Variants in TMEM181 observed in about 807,000 individuals in gnomAD.
TMEM181 encodes transmembrane protein 181, also known as G protein-coupled receptor 178.
A neutral mutation model predicts 71.9 loss-of-function variants in TMEM181; 39 were observed. The ratio of observed to expected loss-of-function variants is 0.54; its 90% CI spans 0.42 to 0.71. The LOEUF (loss-of-function observed/expected upper bound fraction) is 0.71, where lower values mean the gene tolerates loss of function less well. TMEM181 is among the 30% of genes least tolerant of loss of function. TMEM181 has a pLI of 0.00. For missense variants in TMEM181, 595 were observed against 583.0 expected, an observed-to-expected ratio of 1.02 and a Z score of -0.21; for synonymous variants, 245 against 228.8, an observed-to-expected ratio of 1.07 and a Z score of -0.64.
intron 1 of TMEM181, among the ~76,000 whole-genome samples, chr6:158,550,299 C>CAG (rs1781677137): frequency 6.6e-6 from 1 of 151,768 alleles, no homozygotes; most frequent in African/African-American, 2.4e-5. Flanking sequence ...CCCGCCATGG[C>CAG]CTCCCAAAGT....
chr6:158,543,909 A>T (rs1264820550), intron 1 of TMEM181, among the ~76,000 whole-genome samples: 1 of 152,200 alleles, frequency 6.6e-6, no homozygotes, highest in Non-Finnish European at 1.5e-5. Context: ...CTCTCTGCCA[A>T]TATTTTCTAA....
chr6:158,630,955 G>A (rs536368975), intron 15 of TMEM181, among the ~76,000 whole-genome samples: 4 of 152,290 alleles, frequency 2.6e-5, no homozygotes, highest in South Asian at 4.1e-4. Context: ...GCAGCAGCTC[G>A]CTGCACGTCC....
At chr6:158,612,079 T>G (rs892736418) in intron 10 of TMEM181, among the ~76,000 whole-genome samples, 1 of 152,122 alleles carries the variant, frequency 6.6e-6, no homozygotes, top group Non-Finnish European at 1.5e-5. Flanking sequence ...GGCCCATTTT[T>G]GGGGGCCCAT....
At chr6:158,611,525 A>T (rs1203683091) in intron 10 of TMEM181, 2 of 480,396 alleles carry the variant, frequency 4.2e-6, no homozygotes, top group Non-Finnish European at 8.4e-6. Flanking sequence ...TCATGGAGTT[A>T]CGAGAACTAT....
At chr6:158,583,124 T>C (rs773971021) in intron 3 of TMEM181, among the ~76,000 whole-genome samples, 3 of 151,986 alleles carry the variant, frequency 2.0e-5, no homozygotes, top group Admixed American at 6.6e-5. Context: ...TCCCAGCTAT[T>C]TGGGAGGCTG....
chr6:158,619,630 G>GGA (rs1224588246), intron 10 of TMEM181, among the ~76,000 whole-genome samples: 1 of 152,068 alleles, frequency 6.6e-6, no homozygotes, highest in Non-Finnish European at 1.5e-5. Context: ...CAGCACTTTG[G>GGA]GAGGCCAGTG....
At chr6:158,556,414 T>C (rs1205974598), upstream of TMEM181, among the ~76,000 whole-genome samples, 1 of 152,140 alleles carries the variant, frequency 6.6e-6, no homozygotes, top group Non-Finnish European at 1.5e-5. Flanking sequence ...CTAAAAGAAA[T>C]GATATTTATC....
At chr6:158,559,077 G>T (rs1348358156), upstream of TMEM181, among the ~76,000 whole-genome samples, 6 of 152,080 alleles carry the variant, frequency 3.9e-5, no homozygotes, top group Non-Finnish European at 7.4e-5. Flanking sequence ...TGGTGTCCTG[G>T]CTTAGGGTGT....
intron 1 of TMEM181, among the ~76,000 whole-genome samples, chr6:158,549,316 A>G (rs1781644788): frequency 6.6e-6 from 1 of 152,144 alleles, no homozygotes; most frequent in Admixed American, 6.5e-5. Flanking sequence ...GGGTTTCACC[A>G]TATTGGCCAG....
chr6:158,571,706 C>G (rs62437806), intron 1 of TMEM181, among the ~76,000 whole-genome samples: 45,755 of 152,216 alleles, frequency 0.3, 7,365 homozygotes, highest in East Asian at 0.65. Flanking sequence ...CCTGGGCCAG[C>G]CTTCACACTT....
chr6:158,602,725 C>T (rs9364978), intron 6 of TMEM181, among the ~76,000 whole-genome samples: 6,869 of 151,926 alleles, frequency 0.045, 345 homozygotes, highest in East Asian at 0.15. Flanking sequence ...TACAGGCGCA[C>T]GCCACCATGC....
At chr6:158,561,422 G>C (rs1216594328) in intron 1 of TMEM181, among the ~76,000 whole-genome samples, 1 of 152,252 alleles carries the variant, frequency 6.6e-6, no homozygotes, top group Non-Finnish European at 1.5e-5. Flanking sequence ...CAAGATTCTT[G>C]TGCGGCCTAT....
upstream of TMEM181, among the ~76,000 whole-genome samples, chr6:158,558,960 C>T (rs890580948): frequency 6.6e-6 from 1 of 152,168 alleles, no homozygotes. Context: ...AGAACCCTTT[C>T]CCTCTGCTTA....
chr6:158,630,954 C>T (rs189011020), intron 15 of TMEM181, among the ~76,000 whole-genome samples: 181 of 152,322 alleles, frequency 1.2e-3, no homozygotes, highest in African/African-American at 4.2e-3. Context: ...AGCAGCAGCT[C>T]GCTGCACGTC....
chr6:158,591,988 T>A (rs920822662), intron 6 of TMEM181, among the ~76,000 whole-genome samples: 8 of 152,196 alleles, frequency 5.3e-5, no homozygotes, highest in African/African-American at 1.9e-4. Context: ...AAAAAGGAAT[T>A]GGTTCAAAAG....
At chr6:158,556,772 A>ATT (rs34748175), upstream of TMEM181, among the ~76,000 whole-genome samples, 4 of 151,510 alleles carry the variant, frequency 2.6e-5, no homozygotes, top group East Asian at 1.9e-4. Flanking sequence ...TGTTTTTGGT[A>ATT]TTTTTTTTGA....
At position 158,583,963 on chromosome 6, in the gene TMEM181, A is replaced by G. The variant is rs1783616981; in HGVS notation, c.178A>G (p.Ile60Val). 4 of 1,605,998 alleles carry G rather than the reference A, an allele frequency of 2.5e-6. No individual in the cohort carries two copies. The highest frequency in any genetic ancestry group is 2.2e-5 in the East Asian group (1 of 44,742). ...SLNNSKKLKPIQILSNPLSTY... is the reference protein window; with the variant it reads ...SLNNSKKLKPVQILSNPLSTY... ...GTTTTTTTTTCTTCAGCTAAAGCCA[A>G]TTCAAATACTTTCAAATCCACTGTC... is the stretch of plus-strand genomic sequence containing the variant. The change falls in exon 4 of 17, where the codon ATT becomes GTT. Residue 60 changes from isoleucine (I) to valine (V), a missense_variant. By Grantham distance (29) the Ile-to-Val change is conservative (BLOSUM62 3). Transcript: ENST00000684151.
At chr6:158,560,548 T>C (rs1304814435) in intron 1 of TMEM181, among the ~76,000 whole-genome samples, 1 of 152,132 alleles carries the variant, frequency 6.6e-6, no homozygotes, top group Admixed American at 6.5e-5. Flanking sequence ...CCGGGGGCGC[T>C]GCGGCCCTTC....
intron 2 of TMEM181, among the ~76,000 whole-genome samples, chr6:158,576,679 T>C (rs965384922): frequency 1.3e-5 from 2 of 151,974 alleles, no homozygotes; most frequent in African/African-American, 4.8e-5. Context: ...AAACAAAAAT[T>C]CAAAAATGAA....
Sources: gnomAD v4.1 joint callset for allele counts (sites outside exome capture counted in the v4.1 genomes callset) on GRCh38, gnomAD v4.1.1 for gene constraint, MANE v1.5 for transcripts, NCBI Gene and HGNC (gene_info 2026-07-23, HGNC 2026-07-21) for gene names.